The following FGF14 variants were observed in gnomAD, a reference collection of about 807,000 sequenced individuals.
The protein encoded by FGF14 is fibroblast growth factor 14, also known as fibroblast growth factor homologous factor 4.
FGF14 carries 5 observed loss-of-function variants against 25.5 expected under a neutral mutation model. The observed-to-expected ratio is 0.20, with a 90% CI of 0.10 to 0.41. FGF14 has a LOEUF of 0.41. Ranked by LOEUF, FGF14 falls within the 10% of genes least tolerant of loss-of-function variation. The pLI is 1.00. For synonymous variants in FGF14, 138 were observed against 118.3 expected, an observed-to-expected ratio of 1.17 and a Z score of -1.08; for missense variants, 222 against 320.1, an observed-to-expected ratio of 0.69 and a Z score of 2.34.
In FGF14 at chr13:102,172,922, C is replaced by T. The variant is rs577222796; in HGVS notation, c.208+228549G>A. ...CTTGGACTCTTGTTAAGCCAGCTAC[C>T]AAATTAAGTGAGATTCTATATGTTT... On this transcript the variant is annotated intron_variant, in intron 1 of 4. Coordinates refer to the FGF14 transcript ENST00000376131. 3.2e-3 allele frequency among the ~76,000 whole-genome samples: 494 copies of T among 152,164 alleles called. 2 individuals are homozygous for T. The highest frequency in any genetic ancestry group is 5.8e-3 in the Non-Finnish European group (392 of 67,996).
rs1393400768 is a variant in FGF14, at chr13:102,074,274, A to G, written c.209-198978T>C. ...AATCATCCTCCTTCATTGGCCTCCA[A>G]AGTGCTAGGATTATAGGCATGAGCC... is the stretch of plus-strand genomic sequence containing the variant. On this transcript the variant is annotated intron_variant, in intron 1 of 4. Coordinates refer to the FGF14 transcript ENST00000376131. Among the ~76,000 whole-genome samples the G allele has an allele frequency of 2.6e-5, 4 of 152,156 alleles. No individual in the cohort carries two copies. The East Asian group carries it at 7.7e-4, about 29-fold the overall frequency.
At chr13:102,401,740 T>G (rs2058707128) in exon 1 of FGF14, 1 of 1,350,342 alleles carries the variant, frequency 7.4e-7, no homozygotes, top group African/African-American at 1.5e-5. Context: ...GTATATTTCT[T>G]TGAGACTTCT....
chr13:101,889,542 T>C (rs1343914310), intron 1 of FGF14, among the ~76,000 whole-genome samples: 3 of 152,088 alleles, frequency 2.0e-5, no homozygotes, highest in Admixed American at 6.6e-5. Context: ...TAACCAGACA[T>C]ATTTATAAAC....
At chr13:101,902,227 C>T (rs889525885) in intron 1 of FGF14, among the ~76,000 whole-genome samples, 1 of 152,260 alleles carries the variant, frequency 6.6e-6, no homozygotes, top group South Asian at 2.1e-4. Context: ...CTGGCACCTA[C>T]ATTTTAGAGG....
At chr13:101,845,241 G>A (rs912067692) in intron 3 of FGF14, among the ~76,000 whole-genome samples, 4 of 151,976 alleles carry the variant, frequency 2.6e-5, no homozygotes, top group East Asian at 3.9e-4. Context: ...CACAGTCTAC[G>A]TTTGCATGTC....
intron 1 of FGF14, among the ~76,000 whole-genome samples, chr13:102,251,613 A>G (rs2052177639): frequency 2.0e-5 from 3 of 152,194 alleles, no homozygotes. Context: ...CCAGCCATCG[A>G]GTTCTGAGCC....
chr13:102,011,614 T>G (rs991036168), intron 1 of FGF14, among the ~76,000 whole-genome samples: 6 of 152,094 alleles, frequency 3.9e-5, no homozygotes, highest in African/African-American at 7.2e-5. Context: ...GCTGAGAGCA[T>G]AGAGAGCAGC....
intron 1 of FGF14, among the ~76,000 whole-genome samples, chr13:101,926,383 C>G (rs2034368784): frequency 6.6e-6 from 1 of 152,196 alleles, no homozygotes; most frequent in African/African-American, 2.4e-5. Context: ...TTGCCTGCTC[C>G]TGCTTCCTAG....
chr13:101,907,752 A>G (rs1298079076), intron 1 of FGF14, among the ~76,000 whole-genome samples: 3 of 152,190 alleles, frequency 2.0e-5, no homozygotes, highest in Admixed American at 2.0e-4. Context: ...TAAATATTAG[A>G]GCATATTTAA....
intron 1 of FGF14, among the ~76,000 whole-genome samples, chr13:102,029,100 T>C (rs911294867): frequency 6.6e-6 from 1 of 152,176 alleles, no homozygotes; most frequent in Non-Finnish European, 1.5e-5. Flanking sequence ...GTAACTTCGC[T>C]GGCTTGGAAA....
In FGF14 at chr13:101,717,460, A is replaced by G. The variant is rs976108702; in HGVS notation, c.*5371T>C. The G allele has an allele frequency of 4.6e-5, 7 of 152,118 alleles. No individual in the cohort carries two copies. Among genetic ancestry groups the G allele is most frequent in the African/African-American group, 1.4e-4 (6 of 41,426 alleles). 9.4% of individuals were successfully genotyped at this position (152,118 alleles called of 1,614,324 possible). The stretch of plus-strand genomic sequence containing the variant: ...ATTCTTTCCTCTTCACTACCTAAAC[A>G]TTTTAAGCTGTGAACAACCTATTAT... On this transcript the variant is annotated 3_prime_UTR_variant, in exon 5 of 5. Coordinates refer to ENST00000376143, the MANE Select transcript of FGF14 (RefSeq NM_004115.4).
chr13:101,840,665 A>G (rs2043151784), intron 3 of FGF14, among the ~76,000 whole-genome samples: 1 of 151,962 alleles, frequency 6.6e-6, no homozygotes, highest in Non-Finnish European at 1.5e-5. Flanking sequence ...AGTGTTGTAA[A>G]TGTACTATTT....
intron 3 of FGF14, among the ~76,000 whole-genome samples, chr13:101,864,029 C>T (rs1322788970): frequency 6.6e-6 from 1 of 152,126 alleles, no homozygotes; most frequent in African/African-American, 2.4e-5. Flanking sequence ...TATCAGAACA[C>T]TATCTTATGT....
intron 1 of FGF14, among the ~76,000 whole-genome samples, chr13:101,876,571 C>T (rs192836818): frequency 1.3e-5 from 2 of 152,272 alleles, no homozygotes; most frequent in African/African-American, 2.4e-5. Context: ...TGTACCTAGA[C>T]TTGCTTCATA....
chr13:102,054,043 C>T (rs533266728), intron 1 of FGF14, among the ~76,000 whole-genome samples: 135 of 152,234 alleles, frequency 8.9e-4, no homozygotes, highest in Middle Eastern at 3.4e-3. Flanking sequence ...GGTTGATATA[C>T]ATGTCACCAT....
At chr13:101,931,695 G>A (rs866389958) in intron 1 of FGF14, among the ~76,000 whole-genome samples, 3 of 152,140 alleles carry the variant, frequency 2.0e-5, no homozygotes, top group African/African-American at 4.8e-5. Context: ...CGGGTGAGCC[G>A]GACAGGACAC....
chr13:102,329,534 T>G (rs907558667), intron 1 of FGF14, among the ~76,000 whole-genome samples: 7 of 152,078 alleles, frequency 4.6e-5, no homozygotes, highest in Admixed American at 3.3e-4. Context: ...CCTGTTGGAG[T>G]TCTTCAACTT....
chr13:102,379,832 T>A (rs2058138299), intron 1 of FGF14, among the ~76,000 whole-genome samples: 1 of 152,182 alleles, frequency 6.6e-6, no homozygotes, highest in South Asian at 2.1e-4. Context: ...AAAAGGTTTA[T>A]CTTTTAAGAG....
intron 1 of FGF14, among the ~76,000 whole-genome samples, chr13:102,050,674 C>A (rs1027171638): frequency 6.6e-6 from 1 of 151,946 alleles, no homozygotes; most frequent in African/African-American, 2.4e-5. Flanking sequence ...AGCCTTCATC[C>A]CACACACACA....
Sources: gnomAD v4.1 joint callset for allele counts (sites outside exome capture counted in the v4.1 genomes callset) on GRCh38, gnomAD v4.1.1 for gene constraint, MANE v1.5 for transcripts, NCBI Gene and HGNC (gene_info 2026-07-23, HGNC 2026-07-21) for gene names.